The following RALB variants were observed in gnomAD, a reference collection of about 807,000 sequenced individuals.
The protein encoded by RALB is ras-related protein Ral-B.
RALB carries 16 observed loss-of-function variants against 21.3 expected under a neutral mutation model. That is an observed-to-expected ratio of 0.75 (90% CI 0.51 to 1.14). The LOEUF (loss-of-function observed/expected upper bound fraction) is 1.14, where lower values mean the gene tolerates loss of function less well. Among genes scored for constraint, RALB ranks in the 50% most tolerant of loss-of-function variants. RALB has a pLI of 0.00. For synonymous variants in RALB, 93 were observed against 96.1 expected, an observed-to-expected ratio of 0.97 and a Z score of 0.19; for missense variants, 161 against 256.2, an observed-to-expected ratio of 0.63 and a Z score of 2.54.
intron 1 of RALB, among the ~76,000 whole-genome samples, chr2:120,265,707 A>G (rs1474454013): frequency 1.3e-5 from 2 of 152,256 alleles, no homozygotes; most frequent in Non-Finnish European, 2.9e-5. Context: ...GCCATCCGCT[A>G]GTTAAGTGAC....
At chr2:120,250,402 T>C (rs1689036088), upstream of RALB, among the ~76,000 whole-genome samples, 1 of 152,184 alleles carries the variant, frequency 6.6e-6, no homozygotes, top group African/African-American at 2.4e-5. Context: ...ATATTGGCAA[T>C]TAATTTCTCC....
intron 1 of RALB, among the ~76,000 whole-genome samples, chr2:120,269,237 C>T (rs890325071): frequency 5.3e-5 from 8 of 152,088 alleles, no homozygotes; most frequent in Admixed American, 2.6e-4. Flanking sequence ...AAGATGTATC[C>T]GGAGTTTGTT....
intron 3 of RALB, among the ~76,000 whole-genome samples, chr2:120,287,824 G>A (rs1223555942): frequency 6.6e-6 from 1 of 152,254 alleles, no homozygotes; most frequent in Non-Finnish European, 1.5e-5. Flanking sequence ...AGAAGGGGAA[G>A]TTGACCTCTG....
chr2:120,261,220 A>G (rs572905501), intron 1 of RALB, among the ~76,000 whole-genome samples: 2 of 152,304 alleles, frequency 1.3e-5, no homozygotes, highest in South Asian at 2.1e-4. Flanking sequence ...GAACGTGTCT[A>G]CATGCTGTTG....
Position 120,286,053 on chromosome 2 carries a change from T to C in RALB, c.294T>C (p.His98=). 1 of 1,614,030 alleles carries C rather than the reference T, an allele frequency of 6.2e-7. No individual in the cohort carries two copies. The highest frequency in any genetic ancestry group is 2.2e-5 in the East Asian group (1 of 44,884). ...TTCTTGTGTTCTCAATCACAGAACATGAATCCTTTACAGCAACTGCCGAAT... is the reference window on the plus strand; with the variant it reads ...TTCTTGTGTTCTCAATCACAGAACACGAATCCTTTACAGCAACTGCCGAAT... ...GFLLVFSITE[H]ESFTATAEFR... is the part of the protein sequence containing the mutation. The change falls in exon 3 of 5, where the codon CAT becomes CAC. Residue 98 remains histidine (H), a synonymous_variant. Coordinates refer to ENST00000272519, the MANE Select transcript of RALB (RefSeq NM_002881.3).
At chr2:120,277,664 A>G (rs1489875045) in intron 1 of RALB, among the ~76,000 whole-genome samples, 2 of 144,002 alleles carry the variant, frequency 1.4e-5, no homozygotes, top group African/African-American at 5.3e-5. Flanking sequence ...GTGTTGTGAG[A>G]GCGTTGTGAA....
intron 2 of RALB, 134 bp downstream of exon 2, chr2:120,278,912 T>C: frequency 1.4e-6 from 1 of 724,986 alleles, no homozygotes; most frequent in Non-Finnish European, 2.0e-6. Context: ...GGCTTCTGAA[T>C]AGCTTCCTAG....
At chr2:120,283,312 T>C (rs1690043274) in intron 2 of RALB, among the ~76,000 whole-genome samples, 1 of 152,212 alleles carries the variant, frequency 6.6e-6, no homozygotes, top group Admixed American at 6.5e-5. Flanking sequence ...CAGGTATCGT[T>C]AGTGTTAGTG....
chr2:120,245,022 C>T (rs371152580), intron 1 of RALB, among the ~76,000 whole-genome samples: 2 of 152,148 alleles, frequency 1.3e-5, no homozygotes, highest in East Asian at 1.9e-4. Context: ...GCCCTGGTGC[C>T]GAGTGCCCAC....
chr2:120,267,411 A>G (rs33971369), intron 1 of RALB, among the ~76,000 whole-genome samples: 78,156 of 151,714 alleles, frequency 0.52, 20,700 homozygotes, highest in Middle Eastern at 0.71. Flanking sequence ...AAGTTGAGTC[A>G]TAACGCGTAT....
intron 1 of RALB, among the ~76,000 whole-genome samples, chr2:120,260,734 C>A (rs545249644): frequency 6.6e-6 from 1 of 152,252 alleles, no homozygotes; most frequent in Non-Finnish European, 1.5e-5. Flanking sequence ...TACAGGCCTG[C>A]TGCGGGCCTT....
intron 1 of RALB, among the ~76,000 whole-genome samples, chr2:120,260,541 G>A (rs1689337284): frequency 6.6e-6 from 1 of 152,212 alleles, no homozygotes; most frequent in Non-Finnish European, 1.5e-5. Context: ...TGGTGCAGAT[G>A]AGGAGGGAGC....
At chr2:120,257,420 A>G (rs1317836648) in intron 1 of RALB, among the ~76,000 whole-genome samples, 7 of 152,170 alleles carry the variant, frequency 4.6e-5, no homozygotes, top group Admixed American at 1.3e-4. Flanking sequence ...TGAAGTGCCT[A>G]TAGGTGGAGA....
chr2:120,274,782 TC>T (rs2104624756), intron 1 of RALB, among the ~76,000 whole-genome samples: 1 of 152,294 alleles, frequency 6.6e-6, no homozygotes, highest in African/African-American at 2.4e-5. Flanking sequence ...CTCCATCAGG[TC>T]TTTCAATGAT....
chr2:120,291,135 T>A (rs969157012), intron 4 of RALB, among the ~76,000 whole-genome samples: 1 of 152,190 alleles, frequency 6.6e-6, no homozygotes, highest in Admixed American at 6.5e-5. Flanking sequence ...TTAGAAGGGG[T>A]TTGCTTTAGA....
intron 1 of RALB, among the ~76,000 whole-genome samples, chr2:120,271,051 CCTAGGTTTTCA>C (rs1322035796): frequency 6.6e-6 from 1 of 152,158 alleles, no homozygotes; most frequent in Non-Finnish European, 1.5e-5. Context: ...TTAGGTTTCC[CCTAGGTTTTCA>C]GATTCTCATT....
chr2:120,274,157 G>A (rs10175381), intron 1 of RALB, among the ~76,000 whole-genome samples: 1,599 of 152,254 alleles, frequency 0.011, 31 homozygotes, highest in African/African-American at 0.037. Flanking sequence ...TGGTCTGGAG[G>A]TTCCAACCTC....
rs1357506134 is a variant in RALB, at chr2:120,289,623, C to T, written c.367C>T (p.Leu123=). Residue 123 remains leucine (L), a synonymous_variant, in exon 4 of 5, where the codon CTG becomes TTG. Transcript: ENST00000272519. ...RVKAEEDKIP[L]LVVGNKSDLE... ...GAAGGCTGAAGAAGATAAAATTCCA[C>T]TGCTCGTCGTGGGAAACAAGTCTGA... The T allele has an allele frequency of 3.1e-6, 5 of 1,614,060 alleles. No homozygotes were observed. The highest frequency in any genetic ancestry group is 4.5e-5 in the East Asian group (2 of 44,902).
chr2:120,264,311 C>T (rs1048894387), intron 1 of RALB, among the ~76,000 whole-genome samples: 1 of 151,728 alleles, frequency 6.6e-6, no homozygotes, highest in Non-Finnish European at 1.5e-5. Flanking sequence ...ACCATCACAC[C>T]CAGCTAATTT....
Sources: allele counts gnomAD v4.1 joint callset (sites outside exome capture counted in the v4.1 genomes callset), GRCh38; gene constraint gnomAD v4.1.1; transcripts MANE v1.5; gene names NCBI Gene and HGNC (gene_info 2026-07-23, HGNC 2026-07-21).